AP3D1: variants seen among roughly 807,000 people sequenced by gnomAD.
AP3D1 encodes adaptor related protein complex 3 subunit delta 1, also known as AP-3 complex subunit delta-1.
AP3D1 carries 51 observed loss-of-function variants against 147.6 expected under a neutral mutation model. That is an observed-to-expected ratio of 0.35 (90% CI 0.28 to 0.44). The LOEUF (loss-of-function observed/expected upper bound fraction) is 0.44. AP3D1 is among the 20% of genes least tolerant of loss of function. The pLI is 1.00. For synonymous variants in AP3D1, 760 were observed against 663.0 expected, an observed-to-expected ratio of 1.15 and a Z score of -2.25; for missense variants, 1,421 against 1,624.2, an observed-to-expected ratio of 0.87 and a Z score of 2.15.
chr19:2,135,763 C>A (rs1191899377), intron 4 of AP3D1, among the ~76,000 whole-genome samples: 1 of 152,148 alleles, frequency 6.6e-6, no homozygotes, highest in Non-Finnish European at 1.5e-5. Flanking sequence ...GTGAGGTGCT[C>A]ACACAGGGAC....
chr19:2,116,142 G>T, intron 18 of AP3D1, 65 bp downstream of exon 18: 1 of 1,516,984 alleles, frequency 6.6e-7, no homozygotes, highest in Non-Finnish European at 9.1e-7. Flanking sequence ...TCAGATGGAT[G>T]CCGCGGGGCT....
chr19:2,139,959 G>A (rs1181187277), intron 1 of AP3D1, among the ~76,000 whole-genome samples: 1 of 152,176 alleles, frequency 6.6e-6, no homozygotes, highest in African/African-American at 2.4e-5. Flanking sequence ...CACAGCTGTG[G>A]GGGAGTGGGG....
Position 2,115,323 on chromosome 19 carries a change from TCTC to T in AP3D1, c.2242_2244del (p.Glu748del), listed in dbSNP as rs1484940197. The T allele has an allele frequency of 5.6e-6, 9 of 1,611,330 alleles. No homozygotes were observed. The highest frequency in any genetic ancestry group is 7.6e-6 in the Non-Finnish European group (9 of 1,179,824). ...TGGCGGCGCTTGCCCTTCTTCTCCTTCTCCTTCCTCTTTTTCCTCCTCTTGTCC... is the reference window on the plus strand; with the variant it reads ...TGGCGGCGCTTGCCCTTCTTCTCCTTCTTCCTCTTTTTCCTCCTCTTGTCC... On this transcript the variant is annotated inframe_deletion, in exon 20 of 32. Coordinates refer to ENST00000643116, the MANE Select transcript of AP3D1 (RefSeq NM_001261826.3).
chr19:2,105,859 T>A (rs1369386268), intron 31 of AP3D1, among the ~76,000 whole-genome samples: 2 of 151,222 alleles, frequency 1.3e-5, no homozygotes, highest in African/African-American at 4.9e-5. Flanking sequence ...ACTTTGGGAG[T>A]CTGAGGCAGG....
In AP3D1 at chr19:2,151,412, C is replaced by A. The variant is rs1201133429; in HGVS notation, c.-78G>T. The A allele has an allele frequency of 2.1e-6, 2 of 974,022 alleles. No individual in the cohort carries two copies. The highest frequency in any genetic ancestry group is 2.6e-6 in the Non-Finnish European group (2 of 775,020). The allele number at this position is 974,022 out of a possible 1,614,324, so 60.3% of individuals were successfully genotyped here. A position where few individuals can be genotyped will look rare whatever the true frequency, so the allele number is the denominator to read the frequency against. ...GGGGGCCCGGGGCCCGTGCCTGCCG[C>A]CCGCGGAGCGCCGCGCTGCCGGCCG... On this transcript the variant is annotated 5_prime_UTR_variant, in exon 1 of 32. Coordinates refer to ENST00000643116, the MANE Select transcript of AP3D1 (RefSeq NM_001261826.3).
chr19:2,127,110 G>A (rs776579146), intron 9 of AP3D1, 42 bp downstream of exon 9: 1 of 1,606,770 alleles, frequency 6.2e-7, no homozygotes, highest in Non-Finnish European at 8.5e-7. Context: ...CCCCAGCCTG[G>A]CAGTGCCAGC....
chr19:2,105,215 G>T (rs2018077000), intron 31 of AP3D1, among the ~76,000 whole-genome samples: 1 of 152,220 alleles, frequency 6.6e-6, no homozygotes, highest in Admixed American at 6.5e-5. Context: ...AGCAGCCCAG[G>T]CTGGGGAGGT....
intron 14 of AP3D1, 92 bp downstream of exon 14, chr19:2,120,770 G>A: frequency 3.1e-6 from 4 of 1,310,086 alleles, no homozygotes; most frequent in Non-Finnish European, 3.2e-6. Flanking sequence ...GGCGATGGGA[G>A]ACGGTAGGAA....
At position 2,136,953 on chromosome 19, in the gene AP3D1, G is replaced by T. The variant is rs954189212; in HGVS notation, c.354+58C>A. The T allele has an allele frequency of 4.0e-6, 6 of 1,484,118 alleles. No individual in the cohort carries two copies. The African/African-American group carries it at 5.6e-5, about 14-fold the overall frequency. The allele number at this position is 1,484,118 out of a possible 1,614,324, so 91.9% of individuals were successfully genotyped here. ...AGGAAGACGCGTGTGGGAACCAGACGCTCCGGCAAGGGCAGACTGCACTCA... is the reference window on the plus strand; with the variant it reads ...AGGAAGACGCGTGTGGGAACCAGACTCTCCGGCAAGGGCAGACTGCACTCA... On this transcript the variant is annotated intron_variant, in intron 4 of 31. Transcript: ENST00000643116.
chr19:2,160,075 T>G (rs952908713), intron 1 of AP3D1, among the ~76,000 whole-genome samples: 1 of 151,038 alleles, frequency 6.6e-6, no homozygotes, highest in African/African-American at 2.4e-5. Flanking sequence ...GGTATTGAAC[T>G]CCTGACCTCA....
At position 2,116,720 on chromosome 19, in the gene AP3D1, T is replaced by G. The variant is rs1392698292; in HGVS notation, c.1886A>C (p.Glu629Ala). Reference protein sequence around the residue: ...EGLDLDAWINEPLSDSESEDE... With the variant: ...EGLDLDAWINAPLSDSESEDE... The stretch of plus-strand genomic sequence containing the variant: ...CTCTGACTCGCTGTCCGAGAGTGGC[T>G]CATTGATCCAGGCGTCCAGGTCCAG... The change falls in exon 17 of 32, where the codon GAG (glutamate) becomes GCG (alanine). Residue 629 changes from glutamate to alanine, a missense_variant. Transcript: ENST00000643116. The G allele has an allele frequency of 4.3e-6, 7 of 1,611,746 alleles. No homozygotes were observed. The East Asian group carries it at 1.3e-4, about 31-fold the overall frequency.
intron 1 of AP3D1, among the ~76,000 whole-genome samples, chr19:2,147,940 T>C (rs2019404002): frequency 6.7e-6 from 1 of 150,196 alleles, no homozygotes; most frequent in Admixed American, 6.6e-5. Flanking sequence ...ATCCAGCACT[T>C]TGGGAGGCCG....
At chr19:2,111,999 C>G (rs2018295500) in intron 24 of AP3D1, 171 bp from the exon 25 acceptor site, 1 of 1,089,068 alleles carries the variant, frequency 9.2e-7, no homozygotes. Flanking sequence ...CAGGCCAGAC[C>G]AGGCCCAGCG....
At chr19:2,107,337 C>A (rs111245287) in intron 31 of AP3D1, among the ~76,000 whole-genome samples, 2 of 151,898 alleles carry the variant, frequency 1.3e-5, no homozygotes, top group African/African-American at 4.8e-5. Flanking sequence ...TGAACATGAG[C>A]CAGAAGAAGG....
chr19:2,162,938 G>A (rs972594345), intron 1 of AP3D1, among the ~76,000 whole-genome samples: 3 of 152,054 alleles, frequency 2.0e-5, no homozygotes, highest in South Asian at 4.1e-4. Flanking sequence ...GCAAAATTAT[G>A]ACTGAGACAG....
chr19:2,126,640 G>A (rs151279783), intron 9 of AP3D1, among the ~76,000 whole-genome samples: 17,365 of 139,194 alleles, frequency 0.12, 1,179 homozygotes, highest in Non-Finnish European at 0.16. Context: ...GCAACAGAGT[G>A]AGACTCTGCC....
At chr19:2,158,432 C>T (rs986635334) in intron 1 of AP3D1, among the ~76,000 whole-genome samples, 1 of 150,706 alleles carries the variant, frequency 6.6e-6, no homozygotes, top group African/African-American at 2.4e-5. Context: ...TCTGAGCTCA[C>T]TGCAGCCTCA....
At chr19:2,116,328 C>CT in intron 17 of AP3D1, 50 bp from the exon 18 acceptor site, 1 of 1,570,702 alleles carries the variant, frequency 6.4e-7, no homozygotes, top group Non-Finnish European at 8.7e-7. Flanking sequence ...CAGGATACCC[C>CT]TCTGTGGACG....
intron 27 of AP3D1, among the ~76,000 whole-genome samples, chr19:2,110,500 T>C (rs1306729076): frequency 6.6e-6 from 1 of 152,094 alleles, no homozygotes; most frequent in African/African-American, 2.4e-5. Context: ...AGCACAACCC[T>C]TGGGACTCTA....
Sources: gnomAD v4.1 joint callset for allele counts (sites outside exome capture counted in the v4.1 genomes callset) on GRCh38, gnomAD v4.1.1 for gene constraint, MANE v1.5 for transcripts, NCBI Gene and HGNC (gene_info 2026-07-23, HGNC 2026-07-21) for gene names.